The following DOCK8 variants were observed in gnomAD, a reference collection of about 807,000 sequenced individuals.
DOCK8 encodes dedicator of cytokinesis 8, also known as dedicator of cytokinesis protein 8.
In DOCK8, 141 loss-of-function variants were observed where a neutral mutation model predicts 245.6. That is an observed-to-expected ratio of 0.57 (90% confidence interval 0.50 to 0.66). The LOEUF (loss-of-function observed/expected upper bound fraction) is 0.66, where lower values mean the gene tolerates loss of function less well. Among genes scored for constraint, DOCK8 ranks in the 30% least tolerant of loss-of-function variants. The pLI is 0.00. For missense variants in DOCK8, 2,965 were observed against 2,603.4 expected, an observed-to-expected ratio of 1.14 and a Z score of -3.02; for synonymous variants, 1,168 against 970.2, an observed-to-expected ratio of 1.20 and a Z score of -3.79.
At chr9:419,288 G>A (rs117271122) in intron 30 of DOCK8, among the ~76,000 whole-genome samples, 5 of 152,146 alleles carry the variant, frequency 3.3e-5, no homozygotes, top group Non-Finnish European at 7.4e-5. Context: ...ATGAGGATTG[G>A]GGGGACAGTG....
At chr9:298,356 C>A (rs1328787898) in intron 4 of DOCK8, among the ~76,000 whole-genome samples, 2 of 152,120 alleles carry the variant, frequency 1.3e-5, no homozygotes, top group Non-Finnish European at 2.9e-5. Flanking sequence ...ACTCGGGAGG[C>A]GGAGGTTGCA....
At chr9:413,646 A>G (rs993963219) in intron 28 of DOCK8, among the ~76,000 whole-genome samples, 2 of 152,262 alleles carry the variant, frequency 1.3e-5, no homozygotes. Context: ...TAAGACCATG[A>G]AGATGTTCAG....
chr9:312,372 T>C (rs1405137528), intron 6 of DOCK8: 1 of 697,366 alleles, frequency 1.4e-6, no homozygotes, highest in South Asian at 1.5e-5. Flanking sequence ...ATTCTGATAA[T>C]AATAACAACT....
chr9:240,063 T>C (rs2047343810), intron 1 of DOCK8, among the ~76,000 whole-genome samples: 1 of 152,198 alleles, frequency 6.6e-6, no homozygotes, highest in Non-Finnish European at 1.5e-5. Flanking sequence ...ACCACAGACT[T>C]AAAGGTCTCC....
rs137968638 is a variant in DOCK8, at chr9:360,509, G to A, written c.1680-7509G>A. ...ATACTTTGTATATCATTTTATAACAGTCTGCAAAGTAGCAGGAAAAAATTT... is the reference window on the plus strand; with the variant it reads ...ATACTTTGTATATCATTTTATAACAATCTGCAAAGTAGCAGGAAAAAATTT... On this transcript the variant is annotated intron_variant, in intron 14 of 47. Transcript: ENST00000432829. Among the ~76,000 whole-genome samples, 1,074 of 152,192 alleles carry A rather than the reference G, an allele frequency of 7.1e-3. 47 individuals carry two copies. Among genetic ancestry groups the A allele is most frequent in the Admixed American group, 0.064 (971 of 15,284 alleles).
At chr9:453,999 A>G (rs2057546413) in intron 46 of DOCK8, among the ~76,000 whole-genome samples, 2 of 152,230 alleles carry the variant, frequency 1.3e-5, no homozygotes, top group South Asian at 2.1e-4. Context: ...ATGACAGGAC[A>G]TAGCCCTGCA....
chr9:437,361 A>G (rs1316756295), intron 39 of DOCK8, among the ~76,000 whole-genome samples: 1 of 152,200 alleles, frequency 6.6e-6, no homozygotes, highest in Non-Finnish European at 1.5e-5. Flanking sequence ...TCTAGGAGAG[A>G]AGAGAGATGC....
chr9:259,319 C>A (rs1182252522), intron 1 of DOCK8, among the ~76,000 whole-genome samples: 2 of 152,066 alleles, frequency 1.3e-5, no homozygotes, highest in East Asian at 1.9e-4. Flanking sequence ...AAAAAAAATT[C>A]TATTTTCCCA....
chr9:316,665 A>G (rs1368665291), intron 6 of DOCK8, among the ~76,000 whole-genome samples: 1 of 152,182 alleles, frequency 6.6e-6, no homozygotes, highest in Non-Finnish European at 1.5e-5. Flanking sequence ...AAAGCCCTTG[A>G]CAGGAGAAAT....
intron 29 of DOCK8, among the ~76,000 whole-genome samples, chr9:417,526 A>G (rs533019794): frequency 2.0e-5 from 3 of 152,200 alleles, no homozygotes; most frequent in Admixed American, 1.3e-4. Context: ...TACTGGTAGC[A>G]TTCTTAAAAA....
intron 1 of DOCK8, among the ~76,000 whole-genome samples, chr9:262,599 C>T (rs1349033432): frequency 6.6e-6 from 1 of 151,324 alleles, no homozygotes; most frequent in African/African-American, 2.4e-5. Context: ...TTGTATGATT[C>T]TATTTATGTA....
intron 28 of DOCK8, among the ~76,000 whole-genome samples, chr9:414,196 A>G (rs2055884291): frequency 6.6e-6 from 1 of 152,176 alleles, no homozygotes; most frequent in Non-Finnish European, 1.5e-5. Context: ...TGAGGTATGT[A>G]CCCAAGAAAA....
At chr9:451,243 G>A (rs2057423071) in intron 45 of DOCK8, among the ~76,000 whole-genome samples, 2 of 152,016 alleles carry the variant, frequency 1.3e-5, no homozygotes, top group South Asian at 4.1e-4. Flanking sequence ...CCCGGGAGGT[G>A]GAGGTTGTAG....
At chr9:235,765 A>G (rs1402177121) in intron 1 of DOCK8, among the ~76,000 whole-genome samples, 1 of 152,126 alleles carries the variant, frequency 6.6e-6, no homozygotes, top group Non-Finnish European at 1.5e-5. Context: ...GCGCAGTATT[A>G]GGGTGGGAGT....
chr9:421,216 G>A (rs1167103826), intron 32 of DOCK8, 138 bp downstream of exon 32: 1 of 1,188,652 alleles, frequency 8.4e-7, no homozygotes, highest in Non-Finnish European at 1.2e-6. Flanking sequence ...CGGATTCTGG[G>A]AGTCTGTGTG....
chr9:328,239 T>G (rs1164518863), intron 9 of DOCK8, 68 bp downstream of exon 9: 1 of 1,546,910 alleles, frequency 6.5e-7, no homozygotes, highest in Non-Finnish European at 8.8e-7. Context: ...AGCACATGTT[T>G]GGGGTGCACG....
chr9:370,272 G>T lies in DOCK8; in HGVS notation c.1840G>T (p.Val614Leu). 6.2e-7 allele frequency: 1 copy of T among 1,614,120 alleles called. No homozygotes were observed. The highest frequency in any genetic ancestry group is 8.5e-7 in the Non-Finnish European group (1 of 1,179,954). Reference sequence around the variant, plus strand: ...CAGCGGGCCTGAATTTCTGCAGGAAGTGTACACAGCTGTTACATACCATAA... The same window carrying T: ...CAGCGGGCCTGAATTTCTGCAGGAATTGTACACAGCTGTTACATACCATAA... ...KSSGPEFLQE[V>L]YTAVTYHNKS... Residue 614 changes from valine to leucine, a missense_variant, in exon 16 of 48, where the codon GTG (valine) becomes TTG (leucine). Val to Leu is a conservative substitution (Grantham distance 32). Coordinates refer to ENST00000432829, the MANE Select transcript of DOCK8 (RefSeq NM_203447.4).
At chr9:365,591 A>G (rs1563968847) in intron 14 of DOCK8, 1 of 448,314 alleles carries the variant, frequency 2.2e-6, no homozygotes, top group Admixed American at 2.4e-5. Flanking sequence ...TTTTTTTCAG[A>G]GAAGTCTTCC....
intron 39 of DOCK8, among the ~76,000 whole-genome samples, chr9:437,660 T>TTTGGA (rs1194863027): frequency 0.019 from 2,831 of 152,300 alleles, 80 homozygotes; most frequent in African/African-American, 0.064. Flanking sequence ...CTTGTTCTGC[T>TTTGGA]CCAATGAAAT....
Sources: allele counts gnomAD v4.1 joint callset (sites outside exome capture counted in the v4.1 genomes callset), GRCh38; gene constraint gnomAD v4.1.1; transcripts MANE v1.5; gene names NCBI Gene and HGNC (gene_info 2026-07-23, HGNC 2026-07-21).